TENM3: variants seen among roughly 807,000 people sequenced by gnomAD.
TENM3 encodes the protein teneurin transmembrane protein 3, also known as teneurin-3.
Under a neutral mutation model 255.1 loss-of-function variants are expected in TENM3, and 63 were observed. The ratio of observed to expected loss-of-function variants is 0.25; its 90% CI spans 0.20 to 0.30. The LOEUF is 0.30. TENM3 is among the 10% of genes least tolerant of loss of function. The probability of loss-of-function intolerance (pLI) is 1.00; values close to 1 mark genes in which losing one functional copy is unlikely to be tolerated. For missense variants in TENM3, 2,929 were observed against 3,461.1 expected (o/e 0.85, Z 3.86); for synonymous variants, 1,306 against 1,322.3 (o/e 0.99, Z 0.27).
At chr4:182,675,667 G>A (rs1755610071) in intron 7 of TENM3, among the ~76,000 whole-genome samples, 1 of 152,090 alleles carries the variant, frequency 6.6e-6, no homozygotes, top group Non-Finnish European at 1.5e-5. Context: ...CACTGAAACC[G>A]CATATGTGAT....
chr4:182,527,031 T>A (rs962079391), intron 3 of TENM3, among the ~76,000 whole-genome samples: 1 of 152,192 alleles, frequency 6.6e-6, no homozygotes, highest in Non-Finnish European at 1.5e-5. Context: ...ATAATACATC[T>A]GACAAATGAA....
intron 3 of TENM3, among the ~76,000 whole-genome samples, chr4:182,393,763 C>T (rs1290813844): frequency 6.6e-6 from 1 of 152,104 alleles, no homozygotes; most frequent in Non-Finnish European, 1.5e-5. Context: ...TGAGAGCTGG[C>T]AGGAAGTCAA....
At chr4:182,500,128 C>T (rs1004395813) in intron 3 of TENM3, among the ~76,000 whole-genome samples, 3 of 152,120 alleles carry the variant, frequency 2.0e-5, no homozygotes, top group African/African-American at 7.2e-5. Context: ...GAAGCAAATA[C>T]TCAAGTAGCT....
chr4:181,609,684 T>C, the TENM3 span, among the ~76,000 whole-genome samples: 2 of 152,362 alleles, frequency 1.3e-5, no homozygotes, highest in Admixed American at 6.5e-5. Flanking sequence ...AAAATAGATT[T>C]TCTTGAGCAT....
At chr4:182,195,288 G>T (rs1189283942) in intron 1 of TENM3, among the ~76,000 whole-genome samples, 1 of 152,088 alleles carries the variant, frequency 6.6e-6, no homozygotes, top group African/African-American at 2.4e-5. Context: ...CTTGATGGCT[G>T]ATCAACCTGT....
the TENM3 span, among the ~76,000 whole-genome samples, chr4:181,786,508 G>T: frequency 6.6e-5 from 10 of 152,184 alleles, no homozygotes; most frequent in Non-Finnish European, 8.8e-5. Context: ...AGGGGTGAGG[G>T]GTGGAGCCGC....
the TENM3 span, among the ~76,000 whole-genome samples, chr4:181,923,785 C>T: frequency 1.2e-3 from 185 of 152,188 alleles, no homozygotes; most frequent in African/African-American, 3.9e-3. Context: ...CAAAAGATAC[C>T]GCTTCCCAGG....
chr4:182,736,678 T>C (rs1329709752), intron 16 of TENM3, 130 bp from the exon 17 acceptor site: 1 of 884,932 alleles, frequency 1.1e-6, no homozygotes, highest in Non-Finnish European at 1.7e-6. Context: ...CACATTGTCT[T>C]TGTGAGTAAG....
the TENM3 span, among the ~76,000 whole-genome samples, chr4:181,616,703 G>C: frequency 6.6e-6 from 1 of 152,136 alleles, no homozygotes; most frequent in African/African-American, 2.4e-5. Flanking sequence ...GCTGGTTCCA[G>C]TCCTGAAGTC....
At chr4:182,019,729 A>G in the TENM3 span, among the ~76,000 whole-genome samples, 1 of 152,184 alleles carries the variant, frequency 6.6e-6, no homozygotes, top group African/African-American at 2.4e-5. Context: ...CCCAGGCTGA[A>G]TCTTGGCTCA....
At chr4:181,933,937 T>C in the TENM3 span, among the ~76,000 whole-genome samples, 1 of 152,202 alleles carries the variant, frequency 6.6e-6, no homozygotes, top group Non-Finnish European at 1.5e-5. Context: ...CTTCTCTTCC[T>C]GGCTATCTTT....
rs186733999 is a variant in TENM3, at chr4:182,608,465, C to T, written c.749+7304C>T. ...TATTAGCATTTATTTATTTGTCTAC[C>T]GGCTGCTTGGCGTTTATTTTCCACG... On this transcript the variant is annotated intron_variant, in intron 4 of 27. Transcript: ENST00000511685. Among the ~76,000 whole-genome samples, 724 of 152,156 alleles carry T rather than the reference C, an allele frequency of 4.8e-3. 4 individuals carry two copies. Among genetic ancestry groups the T allele is most frequent in the African/African-American group, 0.017 (696 of 41,524 alleles).
chr4:182,599,036 T>C (rs779056247), intron 3 of TENM3, among the ~76,000 whole-genome samples: 1 of 152,308 alleles, frequency 6.6e-6, no homozygotes, highest in South Asian at 2.1e-4. Context: ...TTGGAAACAT[T>C]TCTCCCTGTT....
In TENM3 at chr4:182,793,300, A is replaced by G; in HGVS notation, c.6628A>G (p.Lys2210Glu). 6.2e-7 allele frequency: 1 copy of G among 1,613,870 alleles called. No homozygotes were observed. Among genetic ancestry groups the G allele is most frequent in the Non-Finnish European group, 8.5e-7 (1 of 1,179,812 alleles). ...RGTEIFEYSS[K>E]GLLTRVYSKG... Reference sequence around the variant, plus strand: ...CACGGAAATCTTTGAATATAGCTCCAAGGGGCTTCTAACTCGAGTTTACAG... The same window carrying G: ...CACGGAAATCTTTGAATATAGCTCCGAGGGGCTTCTAACTCGAGTTTACAG... Residue 2210 changes from lysine to glutamate, a missense_variant, in exon 26 of 28, where the codon AAG (lysine) becomes GAG (glutamate). Around this residue, in one of 6 missense-constraint regions of TENM3, gnomAD observed 256 missense variants for 389.3 expected, o/e 0.66. Transcript: ENST00000511685. The surrounding 1 kb of genome is among the most constrained non-coding windows in gnomAD (Gnocchi z 5.7).
At chr4:181,544,408 TAAAAAAA>T in the TENM3 span, among the ~76,000 whole-genome samples, 4,771 of 68,686 alleles carry the variant, frequency 0.069, 249 homozygotes, top group South Asian at 0.24. Context: ...CCTTCAGGAT[TAAAAAAA>T]AAAAAAAAAA....
chr4:182,103,065 T>A, the TENM3 span, among the ~76,000 whole-genome samples: 1 of 152,350 alleles, frequency 6.6e-6, no homozygotes, highest in Admixed American at 6.5e-5. Flanking sequence ...TACAAAATAA[T>A]GTTTTTTACA....
At chr4:182,476,538 T>C (rs1733699013) in intron 3 of TENM3, among the ~76,000 whole-genome samples, 1 of 152,248 alleles carries the variant, frequency 6.6e-6, no homozygotes, top group Admixed American at 6.5e-5. Flanking sequence ...TTTCAAGATT[T>C]ATGTATATTA....
the TENM3 span, among the ~76,000 whole-genome samples, chr4:181,949,469 C>A: frequency 1.3e-5 from 2 of 152,160 alleles, no homozygotes; most frequent in South Asian, 4.1e-4. Flanking sequence ...CATTTCCAAT[C>A]CATCTGCAAA....
chr4:182,369,249 C>T (rs1039457049), intron 3 of TENM3, among the ~76,000 whole-genome samples: 14 of 152,214 alleles, frequency 9.2e-5, no homozygotes, highest in Non-Finnish European at 4.4e-5. Context: ...ATCTTTTCAA[C>T]TACCCTCTGA....
Sources: allele counts gnomAD v4.1 joint callset (sites outside exome capture counted in the v4.1 genomes callset), GRCh38; gene constraint gnomAD v4.1.1; regional missense constraint gnomAD v4.1.1; non-coding constraint Gnocchi (gnomAD v3.1); transcripts MANE v1.5; gene names NCBI Gene and HGNC (gene_info 2026-07-23, HGNC 2026-07-21).